The following XRN1 variants were observed in gnomAD, a reference collection of about 807,000 sequenced individuals.
XRN1 encodes the protein strand-exchange protein 1 homolog.
In XRN1, 67 loss-of-function variants were observed where a neutral mutation model predicts 222.3. The ratio of observed to expected loss-of-function variants is 0.30; its 90% CI spans 0.25 to 0.37. The LOEUF is 0.37. Among genes scored for constraint, XRN1 ranks in the 10% least tolerant of loss-of-function variants. The pLI is 1.00. For missense variants in XRN1, 1,707 were observed against 2,000.2 expected, an observed-to-expected ratio of 0.85 and a Z score of 2.80; for synonymous variants, 643 against 652.4, an observed-to-expected ratio of 0.99 and a Z score of 0.22.
intron 8 of XRN1, among the ~76,000 whole-genome samples, 197 bp downstream of exon 8, chr3:142,422,385 C>T (rs555232717): frequency 4.1e-4 from 63 of 152,252 alleles, no homozygotes; most frequent in Non-Finnish European, 6.6e-4. Flanking sequence ...AATTGAGGTT[C>T]GTTAACTCTG....
chr3:142,427,294 A>T (rs1473337111), intron 2 of XRN1, among the ~76,000 whole-genome samples: 2 of 152,072 alleles, frequency 1.3e-5, no homozygotes, highest in African/African-American at 4.8e-5. Context: ...GATTGTACCC[A>T]CTGCACTCCA....
intron 25 of XRN1, 136 bp from the exon 26 acceptor site, chr3:142,371,464 A>G (rs2066990057): frequency 1.5e-6 from 1 of 662,348 alleles, no homozygotes; most frequent in Non-Finnish European, 2.5e-6. Context: ...AAGGGATATT[A>G]TTAAAAGTGA....
intron 10 of XRN1, among the ~76,000 whole-genome samples, chr3:142,419,832 C>T (rs1373444224): frequency 6.6e-6 from 1 of 151,460 alleles, no homozygotes; most frequent in Non-Finnish European, 1.5e-5. Context: ...AGAAACTCAG[C>T]AGAATCCAAT....
chr3:142,340,809 A>G (rs2065972525), intron 33 of XRN1, among the ~76,000 whole-genome samples: 1 of 152,204 alleles, frequency 6.6e-6, no homozygotes, highest in African/African-American at 2.4e-5. Context: ...TTTACCCTAT[A>G]ATAGTATATC....
At chr3:142,416,540 G>C (rs948914707) in intron 13 of XRN1, among the ~76,000 whole-genome samples, 1 of 152,134 alleles carries the variant, frequency 6.6e-6, no homozygotes, top group Non-Finnish European at 1.5e-5. Flanking sequence ...AATGTAAAGA[G>C]AATATAATGA....
At chr3:142,377,373 T>A (rs1023446395) in intron 23 of XRN1, among the ~76,000 whole-genome samples, 8 of 152,098 alleles carry the variant, frequency 5.3e-5, no homozygotes, top group Non-Finnish European at 8.8e-5. Context: ...GATTTAGCAA[T>A]AATGTAATAC....
intron 36 of XRN1, 81 bp downstream of exon 36, chr3:142,332,294 T>G: frequency 8.9e-7 from 1 of 1,117,776 alleles, no homozygotes; most frequent in Non-Finnish European, 1.2e-6. Context: ...AGTTTTATCT[T>G]TAAAAGTACA....
chr3:142,393,224 A>G (rs2107987122), intron 20 of XRN1, among the ~76,000 whole-genome samples: 1 of 147,006 alleles, frequency 6.8e-6, no homozygotes, highest in South Asian at 2.2e-4. Flanking sequence ...TCTGGATATT[A>G]GCCCTTTGTC....
At chr3:142,318,361 G>A (rs953007752) in intron 39 of XRN1, among the ~76,000 whole-genome samples, 1 of 151,988 alleles carries the variant, frequency 6.6e-6, no homozygotes, top group South Asian at 2.1e-4. Flanking sequence ...TCTGTTAGCA[G>A]CTACTGGAGA....
chr3:142,442,935 G>A (rs1171287701), intron 1 of XRN1, among the ~76,000 whole-genome samples: 6 of 151,956 alleles, frequency 3.9e-5, no homozygotes, highest in Non-Finnish European at 8.8e-5. Context: ...GGGTTTCACC[G>A]TGTTAGCCAG....
chr3:142,433,622 ATGTT>A (rs921116786), intron 1 of XRN1, among the ~76,000 whole-genome samples: 1 of 152,224 alleles, frequency 6.6e-6, no homozygotes, highest in African/African-American at 2.4e-5. Context: ...AAAAAAGTAA[ATGTT>A]TGTGAGGATG....
Position 142,380,187 on chromosome 3 carries a change from A to G in XRN1, c.2617-7T>C. On this transcript the variant is annotated splice_region_variant and splice_polypyrimidine_tract_variant and intron_variant, in intron 22 of 40. Coordinates refer to ENST00000392981, the MANE Select transcript of XRN1 (RefSeq NM_001282857.2). ...CATCACCTGAATCCTGAACCTTAGA[A>G]GAAAAAAAAATCACAGTATAGTCTC... is the stretch of plus-strand genomic sequence containing the variant. 6.2e-7 allele frequency: 1 copy of G among 1,610,334 alleles called. No homozygotes were observed. Among genetic ancestry groups the G allele is most frequent in the Non-Finnish European group, 8.5e-7 (1 of 1,177,660 alleles).
chr3:142,444,125 G>C (rs2070383782), intron 1 of XRN1, among the ~76,000 whole-genome samples: 1 of 152,160 alleles, frequency 6.6e-6, no homozygotes, highest in South Asian at 2.1e-4. Context: ...AAAGGTTAAT[G>C]GGTATAAAAG....
intron 30 of XRN1, among the ~76,000 whole-genome samples, chr3:142,358,106 T>C (rs2066514385): frequency 6.6e-6 from 1 of 152,066 alleles, no homozygotes; most frequent in South Asian, 2.1e-4. Flanking sequence ...TTGGGCAGTC[T>C]AGGTTATGAA....
chr3:142,443,136 A>C (rs971099322), intron 1 of XRN1, among the ~76,000 whole-genome samples: 1 of 152,136 alleles, frequency 6.6e-6, no homozygotes, highest in Non-Finnish European at 1.5e-5. Context: ...GCAGTCCATG[A>C]CTAAGATCTA....
chr3:142,326,472 T>G (rs187902348), intron 37 of XRN1, among the ~76,000 whole-genome samples: 1 of 152,264 alleles, frequency 6.6e-6, no homozygotes, highest in African/African-American at 2.4e-5. Context: ...GCTGTCAGTA[T>G]ATAGAAATGT....
intron 20 of XRN1, among the ~76,000 whole-genome samples, chr3:142,385,186 C>T (rs190868099): frequency 6.6e-6 from 1 of 152,240 alleles, no homozygotes. Context: ...ATCATAGCAC[C>T]ACTATTCAAA....
In XRN1 at chr3:142,367,970, C is replaced by CA. The variant is rs1215423985; in HGVS notation, c.3204+2514dup. On this transcript the variant is annotated intron_variant, in intron 27 of 40. Transcript: ENST00000392981. ...GAAAAAAAAAAATCACTCATAACTG[C>CA]ACCTCCCTGACAAATTAACAGGTTT... 2.0e-5 allele frequency among the ~76,000 whole-genome samples: 3 copies of CA among 151,006 alleles called. No individual in the cohort carries two copies. In the East Asian group the frequency reaches 5.8e-4, roughly 29 times the overall value.
chr3:142,328,702 ATTATATATATATATATATATATATAT>A (rs2065593033), intron 37 of XRN1, among the ~76,000 whole-genome samples: 1 of 81,172 alleles, frequency 1.2e-5, no homozygotes, highest in Non-Finnish European at 2.3e-5. Flanking sequence ...TACTTGTAAT[ATTATATATATATATATATATATATAT>A]ATATATATAT....
Sources: allele counts gnomAD v4.1 joint callset (sites outside exome capture counted in the v4.1 genomes callset), GRCh38; gene constraint gnomAD v4.1.1; transcripts MANE v1.5; gene names NCBI Gene and HGNC (gene_info 2026-07-23, HGNC 2026-07-21).